Variants in KLHDC8B observed in about 807,000 individuals in gnomAD.
The protein encoded by KLHDC8B is kelch domain-containing protein 8B.
KLHDC8B carries 19 observed loss-of-function variants against 26.3 expected under a neutral mutation model. The ratio of observed to expected loss-of-function variants is 0.72; its 90% CI spans 0.50 to 1.06. KLHDC8B has a LOEUF of 1.06. KLHDC8B is among the 50% of genes least tolerant of loss of function. The pLI is 0.00. For missense variants in KLHDC8B, 411 were observed against 488.1 expected (o/e 0.84, Z 1.49); for synonymous variants, 150 against 188.4 (o/e 0.80, Z 1.67).
Position 49,175,839 on chromosome 3 carries a change from C to T in KLHDC8B, c.*38C>T. On this transcript the variant is annotated 3_prime_UTR_variant, in exon 6 of 6. Transcript: ENST00000332780. ...AGCTGTCCACTGGAGCAGCTCATTGCCAGAGGCAGCTATTTCTATGGCTCC... is the reference window on the plus strand; with the variant it reads ...AGCTGTCCACTGGAGCAGCTCATTGTCAGAGGCAGCTATTTCTATGGCTCC... 6.3e-7 allele frequency: 1 copy of T among 1,595,552 alleles called. No individual in the cohort carries two copies. Among genetic ancestry groups the T allele is most frequent in the East Asian group, 2.2e-5 (1 of 44,770 alleles).
rs2045785252 is a variant in KLHDC8B at position 49,173,132 on chromosome 3, A to C, written c.363A>C (p.Ala121=). Residue 121 remains alanine (A), a synonymous_variant, in exon 2 of 6, where the codon GCA becomes GCC. Transcript: ENST00000332780. ...ATLPQAAMGV[A]TVERDGMVYA... is the part of the protein sequence containing the mutation. ...TCCCTCAAGCAGCCATGGGGGTTGC[A>C]ACTGTGGAGAGAGGTGAGTGGCCTC... 2 of 1,570,932 alleles carry C rather than the reference A, an allele frequency of 1.3e-6. No homozygotes were observed. The highest frequency in any genetic ancestry group is 1.7e-6 in the Non-Finnish European group (2 of 1,158,168).
rs753292522 is a variant in KLHDC8B, at chr3:49,174,870, G to A, written c.670G>A (p.Val224Ile). The change falls in exon 4 of 6, where the codon GTC becomes ATC. Residue 224 changes from valine (V) to isoleucine (I), a missense_variant. Physicochemically the swap from Val to Ile is conservative, Grantham distance 29. Transcript: ENST00000332780. ...TGGCTGCGCCATGGCTGAAGGCAGC[G>A]TCTTTAGCCTGGGTGGCCTGCAGCA... ...FAGCAMAEGS[V>I]FSLGGLQQPG... 9 of 1,614,042 alleles carry A rather than the reference G, an allele frequency of 5.6e-6. No individual in the cohort carries two copies. Among genetic ancestry groups the A allele is most frequent in the East Asian group, 2.2e-5 (1 of 44,894 alleles).
In KLHDC8B at chr3:49,175,868, T is replaced by G; in HGVS notation, c.*67T>G. On this transcript the variant is annotated 3_prime_UTR_variant, in exon 6 of 6. Coordinates refer to ENST00000332780, the MANE Select transcript of KLHDC8B (RefSeq NM_173546.3). ...AGGCAGCTATTTCTATGGCTCCTTTTGCTGCTGAGGACACTCACTGTGGCT... is the reference window on the plus strand; with the variant it reads ...AGGCAGCTATTTCTATGGCTCCTTTGGCTGCTGAGGACACTCACTGTGGCT... The G allele has an allele frequency of 6.7e-7, 1 of 1,496,496 alleles. No homozygotes were observed. Among genetic ancestry groups the G allele is most frequent in the South Asian group, 1.1e-5 (1 of 87,876 alleles). 92.7% of individuals were successfully genotyped at this position (1,496,496 alleles called of 1,614,324 possible). A position where few individuals can be genotyped will look rare whatever the true frequency, so the allele number is the denominator to read the frequency against.
At position 49,175,081 on chromosome 3, in the gene KLHDC8B, C is replaced by T. The variant is rs749773157; in HGVS notation, c.786C>T (p.Pro262=). The change falls in exon 5 of 6, where the codon CCC becomes CCT. Residue 262 remains proline (P), a synonymous_variant. Transcript: ENST00000332780. ...CTGCAGGGTCCTGGACCAAATTGCCCCGCAGCCTGCGCATGAGGGATAAGA... is the reference window on the plus strand; with the variant it reads ...CTGCAGGGTCCTGGACCAAATTGCCTCGCAGCCTGCGCATGAGGGATAAGA... ...DLEHGSWTKL[P]RSLRMRDKRA... is the part of the protein sequence containing the mutation. 14 of 1,614,030 alleles carry T rather than the reference C, an allele frequency of 8.7e-6. No individual in the cohort carries two copies. The Admixed American group carries it at 1.7e-4, about 19-fold the overall frequency.
intron 4 of KLHDC8B, 24 bp downstream of exon 4, chr3:49,174,990 G>A: frequency 6.2e-7 from 1 of 1,613,934 alleles, no homozygotes. Flanking sequence ...GTTCTGGGCT[G>A]TCCTCCCGCT....
intron 2 of KLHDC8B, 98 bp from the exon 3 acceptor site, chr3:49,174,141 A>C: frequency 2.5e-6 from 2 of 810,434 alleles, no homozygotes; most frequent in South Asian, 3.6e-5. Flanking sequence ...CTATAAACAC[A>C]TGGGTCTCCA....
Position 49,172,959 on chromosome 3 carries a change from C to T in KLHDC8B, c.190C>T (p.Pro64Ser). 6.2e-7 allele frequency: 1 copy of T among 1,613,962 alleles called. No individual in the cohort carries two copies. The highest frequency in any genetic ancestry group is 8.5e-7 in the Non-Finnish European group (1 of 1,179,972). Residue 64 changes from proline (P) to serine (S), a missense_variant, in exon 2 of 6, where the codon CCC (proline) becomes TCC (serine). By Grantham distance (74) the Pro-to-Ser change is moderately conservative. Coordinates refer to ENST00000332780, the MANE Select transcript of KLHDC8B (RefSeq NM_173546.3). The part of the protein sequence containing the change: ...MASHTWLALA[P>S]LPTARAGAAA... Reference sequence around the variant, plus strand: ...CTCGCACACATGGCTGGCACTGGCACCCCTGCCCACTGCCCGGGCTGGTGC... The same window carrying T: ...CTCGCACACATGGCTGGCACTGGCATCCCTGCCCACTGCCCGGGCTGGTGC...
rs1183075210 is a variant in KLHDC8B, at chr3:49,174,287, A to G, written c.425A>G (p.Gln142Arg). ...LGGMGPDTAP[Q>R]AQVRVYEPRR... ...GGAATGGGCCCTGACACGGCCCCCC[A>G]GGCCCAGGTACGTGTGTATGAGCCC... The change falls in exon 3 of 6, where the codon CAG becomes CGG. Residue 142 changes from glutamine to arginine, a missense_variant. Transcript: ENST00000332780. 6.2e-7 allele frequency: 1 copy of G among 1,613,632 alleles called. No individual in the cohort carries two copies. Among genetic ancestry groups the G allele is most frequent in the Non-Finnish European group, 8.5e-7 (1 of 1,179,794 alleles).
At position 49,176,084 on chromosome 3, in the gene KLHDC8B, G is replaced by A. The variant is rs1209809028; in HGVS notation, c.*283G>A. 2.6e-5 allele frequency: 11 copies of A among 431,000 alleles called. No individual in the cohort carries two copies. Among genetic ancestry groups the A allele is most frequent in the African/African-American group, 1.4e-4 (7 of 49,032 alleles). The allele number at this position is 431,000 out of a possible 1,614,324, so 26.7% of individuals were successfully genotyped here. ...TAGGCCTTCCATCCAACTGGGAAAT[G>A]GGGAGAAGCAAAGCTGGCCTCATGC... On this transcript the variant is annotated 3_prime_UTR_variant, in exon 6 of 6. Transcript: ENST00000332780.
chr3:49,174,839 CT>C lies in KLHDC8B; in HGVS notation c.642del (p.Phe214LeufsTer54). 6.2e-7 allele frequency: 1 copy of C among 1,614,138 alleles called. No individual in the cohort carries two copies. The highest frequency in any genetic ancestry group is 8.5e-7 in the Non-Finnish European group (1 of 1,180,040). On this transcript the variant is annotated frameshift_variant, in exon 4 of 6. Coordinates refer to ENST00000332780, the MANE Select transcript of KLHDC8B (RefSeq NM_173546.3). LOFTEE classifies it high-confidence loss of function. ...ATCCAAGCCTACCCAGCCGTCGGGC[CT>C]TTGCTGGCTGCGCCATGGCTGAAGG... ...RHPSLPSRRA[F>X]AGCAMAEGSV... is the part of the protein sequence containing the mutation.
chr3:49,172,626 T>G lies in KLHDC8B; in HGVS notation c.-134-10T>G. The G allele has an allele frequency of 1.3e-6, 1 of 768,564 alleles. No homozygotes were observed. Among genetic ancestry groups the G allele is most frequent in the Non-Finnish European group, 2.0e-6 (1 of 488,460 alleles). 47.6% of individuals were successfully genotyped at this position (768,564 alleles called of 1,614,324 possible). On this transcript the variant is annotated splice_polypyrimidine_tract_variant and intron_variant, in intron 1 of 5. Transcript: ENST00000332780. Reference sequence around the variant, plus strand: ...AGTGCCCTGACCCCTGTTTTCCCTCTTTCCTCCAGGTGAAGGCAAGGTCCC... The same window carrying G: ...AGTGCCCTGACCCCTGTTTTCCCTCGTTCCTCCAGGTGAAGGCAAGGTCCC...
chr3:49,174,861 G>A lies in KLHDC8B; in HGVS notation c.661G>A (p.Glu221Lys). ...RRAFAGCAMAEGSVFSLGGLQ... is the reference protein window; with the variant it reads ...RRAFAGCAMAKGSVFSLGGLQ... Reference sequence around the variant, plus strand: ...GGCCTTTGCTGGCTGCGCCATGGCTGAAGGCAGCGTCTTTAGCCTGGGTGG... The same window carrying A: ...GGCCTTTGCTGGCTGCGCCATGGCTAAAGGCAGCGTCTTTAGCCTGGGTGG... The change falls in exon 4 of 6, where the codon GAA (glutamate) becomes AAA (lysine). Residue 221 changes from glutamate (E) to lysine (K), a missense_variant. By Grantham distance (56) the Glu-to-Lys change is moderately conservative. Transcript: ENST00000332780. 6.2e-7 allele frequency: 1 copy of A among 1,614,156 alleles called. No individual in the cohort carries two copies. Among genetic ancestry groups the A allele is most frequent in the Non-Finnish European group, 8.5e-7 (1 of 1,180,044 alleles).
rs755373003 is a variant in KLHDC8B at position 49,174,905 on chromosome 3, C to T, written c.705C>T (p.Pro235=). The T allele has an allele frequency of 5.6e-6, 9 of 1,614,182 alleles. No individual in the cohort carries two copies. Among genetic ancestry groups the T allele is most frequent in the Non-Finnish European group, 6.8e-6 (8 of 1,180,046 alleles). Residue 235 remains proline, a synonymous_variant, in exon 4 of 6, where the codon CCC becomes CCT. Coordinates refer to ENST00000332780, the MANE Select transcript of KLHDC8B (RefSeq NM_173546.3). ...FSLGGLQQPG[P]HNFYSRPHFV... Reference sequence around the variant, plus strand: ...TGGGTGGCCTGCAGCAGCCTGGGCCCCACAACTTCTACTCTCGCCCACACT... The same window carrying T: ...TGGGTGGCCTGCAGCAGCCTGGGCCTCACAACTTCTACTCTCGCCCACACT...
rs755041339 is a variant in KLHDC8B, at chr3:49,172,850, A to G, written c.81A>G (p.Ala27=). 6.2e-7 allele frequency: 1 copy of G among 1,614,060 alleles called. No individual in the cohort carries two copies. The highest frequency in any genetic ancestry group is 8.5e-7 in the Non-Finnish European group (1 of 1,180,012). The change falls in exon 2 of 6, where the codon GCA becomes GCG. Residue 27 remains alanine (A), a synonymous_variant. Coordinates refer to ENST00000332780, the MANE Select transcript of KLHDC8B (RefSeq NM_173546.3). The part of the protein sequence containing the change: ...MPTCRVYGTV[A]HQDGHLLVLG... ...CTTGCCGGGTCTATGGCACAGTGGC[A>G]CACCAAGATGGGCACCTGCTGGTGT...
chr3:49,174,978 C>T lies in KLHDC8B; in HGVS notation c.766+12C>T. ...TGACCTGGAGCATGGTGAGCAGTGG[C>T]TGTTCTGGGCTGTCCTCCCGCTCTC... On this transcript the variant is annotated intron_variant, in intron 4 of 5. Transcript: ENST00000332780. The T allele has an allele frequency of 6.2e-7, 1 of 1,613,944 alleles. No individual in the cohort carries two copies. Among genetic ancestry groups the T allele is most frequent in the Non-Finnish European group, 8.5e-7 (1 of 1,180,024 alleles).
intron 1 of KLHDC8B, 80 bp downstream of exon 1, chr3:49,171,765 C>A (rs1345097632): frequency 6.6e-6 from 1 of 152,366 alleles, no homozygotes; most frequent in Non-Finnish European, 1.5e-5. Flanking sequence ...CCAGACCCGC[C>A]CCCCACATCC....
In KLHDC8B at chr3:49,172,741, A is replaced by C. The variant is rs747450619; in HGVS notation, c.-29A>C. ...AGTGAGGCCTACAGTCTGAGCAGAC[A>C]GCATGGCCTGCCACTGGCAGTGAAC... On this transcript the variant is annotated 5_prime_UTR_variant, in exon 2 of 6. Transcript: ENST00000332780. 2 of 1,594,598 alleles carry C rather than the reference A, an allele frequency of 1.3e-6. No homozygotes were observed. The highest frequency in any genetic ancestry group is 1.7e-6 in the Non-Finnish European group (2 of 1,170,866).
At position 49,174,186 on chromosome 3, in the gene KLHDC8B, G is replaced by T; in HGVS notation, c.377-53G>T. ...AGGACTTACCAGGGCAGCTGTCAGG[G>T]TGGGGTACCCTGGCAGGCTGAGGTA... On this transcript the variant is annotated intron_variant, in intron 2 of 5. Transcript: ENST00000332780. The T allele has an allele frequency of 2.8e-6, 4 of 1,443,012 alleles. No homozygotes were observed. The South Asian group carries it at 5.1e-5, about 18-fold the overall frequency. 89.4% of individuals were successfully genotyped at this position (1,443,012 alleles called of 1,614,324 possible).
Position 49,173,046 on chromosome 3 carries a change from C to A in KLHDC8B, c.277C>A (p.Pro93Thr). 1 of 1,610,660 alleles carries A rather than the reference C, an allele frequency of 6.2e-7. No individual in the cohort carries two copies. The highest frequency in any genetic ancestry group is 1.1e-5 in the South Asian group (1 of 90,654). The stretch of plus-strand genomic sequence containing the variant: ...GGGTGGTGTGGATGAGGTCCAGAGC[C>A]CGGTAGCTGCTGTAGAGGCCTTCCT... ...VVGGVDEVQSPVAAVEAFLMD... is the reference protein window; with the variant it reads ...VVGGVDEVQSTVAAVEAFLMD... Residue 93 changes from proline (P) to threonine (T), a missense_variant, in exon 2 of 6, where the codon CCG becomes ACG. By Grantham distance (38) the Pro-to-Thr change is conservative (BLOSUM62 -1). Transcript: ENST00000332780.
Sources: gnomAD v4.1 joint callset for allele counts on GRCh38, gnomAD v4.1.1 for gene constraint, MANE v1.5 for transcripts, NCBI Gene and HGNC (gene_info 2026-07-23, HGNC 2026-07-21) for gene names.